Variants in SUPT16H observed in about 807,000 individuals in gnomAD.
The protein encoded by SUPT16H is SPT16 homolog, facilitates chromatin remodeling subunit, also known as FACT complex subunit SPT16.
A neutral mutation model predicts 136.2 loss-of-function variants in SUPT16H; 24 were observed. The observed-to-expected ratio is 0.18, with a 90% CI of 0.13 to 0.25. The LOEUF (loss-of-function observed/expected upper bound fraction) is 0.25, where lower values mean the gene tolerates loss of function less well. SUPT16H is among the 10% of genes least tolerant of loss of function. SUPT16H has a pLI of 1.00. For missense variants in SUPT16H, 623 were observed against 1,270.2 expected (o/e 0.49, Z 7.74); for synonymous variants, 415 against 428.2 (o/e 0.97, Z 0.38).
intron 3 of SUPT16H, among the ~76,000 whole-genome samples, chr14:21,371,512 C>CA (rs1566391506): frequency 1.3e-5 from 2 of 151,654 alleles, no homozygotes; most frequent in African/African-American, 4.8e-5. Context: ...GGCAGTATGA[C>CA]AAAAAAAATT....
chr14:21,374,007 C>A (rs1302698949), intron 1 of SUPT16H, among the ~76,000 whole-genome samples: 1 of 152,238 alleles, frequency 6.6e-6, no homozygotes, highest in Admixed American at 6.5e-5. Context: ...GAATTACAGG[C>A]ATAAGCCACC....
chr14:21,371,016 A>T (rs917006650), intron 3 of SUPT16H, among the ~76,000 whole-genome samples: 7 of 151,876 alleles, frequency 4.6e-5, no homozygotes, highest in African/African-American at 1.7e-4. Flanking sequence ...ACCTCAAGTG[A>T]TCCACTGCAC....
intron 1 of SUPT16H, among the ~76,000 whole-genome samples, chr14:21,377,792 T>A (rs1339395300): frequency 6.6e-6 from 1 of 152,146 alleles, no homozygotes; most frequent in African/African-American, 2.4e-5. Context: ...CCTGGTTAAT[T>A]TCTGTATTTT....
chr14:21,353,548 A>G lies in SUPT16H; in HGVS notation c.2938T>C (p.Leu980=). 2.5e-6 allele frequency: 4 copies of G among 1,614,128 alleles called. No homozygotes were observed. Among genetic ancestry groups the G allele is most frequent in the African/African-American group, 1.3e-5 (1 of 75,056 alleles). ...AEESDYSKES[L]GSEEESGKDW... is the part of the protein sequence containing the mutation. ...TTTCCACTCTCTTCTTCACTACCCAATGACTCCTTAGAATAGTCTGGAAGA... is the reference window on the plus strand; with the variant it reads ...TTTCCACTCTCTTCTTCACTACCCAGTGACTCCTTAGAATAGTCTGGAAGA... Residue 980 remains leucine, a synonymous_variant, in exon 25 of 26, where the codon TTG becomes CTG. Coordinates refer to ENST00000216297, the MANE Select transcript of SUPT16H (RefSeq NM_007192.4).
chr14:21,362,023 T>C (rs1189388409), intron 15 of SUPT16H, among the ~76,000 whole-genome samples, 174 bp downstream of exon 15: 1 of 152,196 alleles, frequency 6.6e-6, no homozygotes, highest in Admixed American at 6.5e-5. Context: ...AGATTCTAAA[T>C]TGGGATCCAT....
At chr14:21,363,677 TTTTC>T (rs1886605764) in intron 10 of SUPT16H, among the ~76,000 whole-genome samples, 174 bp from the exon 11 acceptor site, 1 of 152,166 alleles carries the variant, frequency 6.6e-6, no homozygotes, top group Admixed American at 6.6e-5. Flanking sequence ...CTACAATTTT[TTTTC>T]TTTTTCTTTT....
In SUPT16H at chr14:21,354,407, G is replaced by A. The variant is rs1167978152; in HGVS notation, c.2790+4C>T. The A allele has an allele frequency of 1.2e-6, 2 of 1,613,396 alleles. No individual in the cohort carries two copies. Among genetic ancestry groups the A allele is most frequent in the Non-Finnish European group, 1.7e-6 (2 of 1,179,744 alleles). Reference sequence around the variant, plus strand: ...ACCAGAAAAGAAACCCCACACTCACGCACCTCACCCTCAGGCTCCAGGAAA... The same window carrying A: ...ACCAGAAAAGAAACCCCACACTCACACACCTCACCCTCAGGCTCCAGGAAA... On this transcript the variant is annotated splice_donor_region_variant and intron_variant, in intron 23 of 25. Coordinates refer to ENST00000216297, the MANE Select transcript of SUPT16H (RefSeq NM_007192.4).
At chr14:21,365,658 T>C (rs1371415431) in intron 8 of SUPT16H, among the ~76,000 whole-genome samples, 2 of 152,222 alleles carry the variant, frequency 1.3e-5, no homozygotes, top group Non-Finnish European at 2.9e-5. Context: ...AAAATGTCCT[T>C]TGTTCCATTA....
intron 8 of SUPT16H, among the ~76,000 whole-genome samples, chr14:21,365,365 C>G (rs61141661): frequency 6.6e-6 from 1 of 152,154 alleles, no homozygotes; most frequent in Admixed American, 6.6e-5. Context: ...TTGATTATAT[C>G]GAGCCTTTTT....
chr14:21,362,067 G>A (rs1418579360), intron 15 of SUPT16H, 130 bp downstream of exon 15: 5 of 1,152,596 alleles, frequency 4.3e-6, no homozygotes, highest in African/African-American at 3.1e-5. Context: ...AAGGCGATCC[G>A]AAACAAGTAC....
At position 21,354,716 on chromosome 14, in the gene SUPT16H, C is replaced by A. The variant is rs28502380; in HGVS notation, c.2661-176G>T. 1.8e-5 allele frequency: 11 copies of A among 614,342 alleles called. No individual in the cohort carries two copies. The East Asian group carries it at 4.9e-4, about 27-fold the overall frequency. 38.1% of individuals were successfully genotyped at this position (614,342 alleles called of 1,614,324 possible). A position where few individuals can be genotyped will look rare whatever the true frequency, so the allele number is the denominator to read the frequency against. The stretch of plus-strand genomic sequence containing the variant: ...AAGTGATTCTCCTGCCTCAGCCTCC[C>A]GAGTATCTGGGATTACAGGCGCATG... On this transcript the variant is annotated intron_variant, in intron 22 of 25. Coordinates refer to ENST00000216297, the MANE Select transcript of SUPT16H (RefSeq NM_007192.4).
Position 21,369,290 on chromosome 14 carries a change from A to G in SUPT16H, c.696T>C (p.Ala232=). 1 of 1,614,218 alleles carries G rather than the reference A, an allele frequency of 6.2e-7. No individual in the cohort carries two copies. Among genetic ancestry groups the G allele is most frequent in the Admixed American group, 1.7e-5 (1 of 60,032 alleles). ...EKAIEEKKYL[A]GADPSTVEMC... is the part of the protein sequence containing the mutation. ...TTTCCACAGTAGAAGGGTCTGCCCC[A>G]GCAAGGTATTTTTTCTCTTCAATGG... Residue 232 remains alanine, a synonymous_variant, in exon 6 of 26, where the codon GCT becomes GCC. Coordinates refer to ENST00000216297, the MANE Select transcript of SUPT16H (RefSeq NM_007192.4).
At chr14:21,360,272 C>T in intron 18 of SUPT16H, 143 bp downstream of exon 18, 1 of 574,594 alleles carries the variant, frequency 1.7e-6, no homozygotes, top group Non-Finnish European at 3.1e-6. Context: ...AGGTGATCCA[C>T]CCACCTCGGC....
At chr14:21,371,845 T>C (rs201763317) in intron 3 of SUPT16H, 29 bp downstream of exon 3, 1 of 1,610,920 alleles carries the variant, frequency 6.2e-7, no homozygotes, top group East Asian at 2.2e-5. Flanking sequence ...TTCTTCCACA[T>C]TTATGACACA....
Position 21,364,943 on chromosome 14 carries a change from A to C in SUPT16H, c.1121-4T>G. On this transcript the variant is annotated splice_polypyrimidine_tract_variant and splice_region_variant and intron_variant, in intron 9 of 25. Transcript: ENST00000216297. ...AAATTGATGCTGAAAACCATTCCTAAAACAGCAAAACAAGGATCAGTCTGT... is the reference window on the plus strand; with the variant it reads ...AAATTGATGCTGAAAACCATTCCTACAACAGCAAAACAAGGATCAGTCTGT... 1 of 1,613,796 alleles carries C rather than the reference A, an allele frequency of 6.2e-7. No individual in the cohort carries two copies. The highest frequency in any genetic ancestry group is 8.5e-7 in the Non-Finnish European group (1 of 1,179,716).
In SUPT16H at chr14:21,360,990, T is replaced by C; in HGVS notation, c.1930-18A>G. ...ACAATCCCCTAAGCAAGAAGAAAATTAATGTGAATTGTCACATATCCTTAC... is the reference window on the plus strand; with the variant it reads ...ACAATCCCCTAAGCAAGAAGAAAATCAATGTGAATTGTCACATATCCTTAC... On this transcript the variant is annotated intron_variant, in intron 16 of 25. Transcript: ENST00000216297. 1.9e-6 allele frequency: 3 copies of C among 1,612,036 alleles called. No homozygotes were observed. Among genetic ancestry groups the C allele is most frequent in the Non-Finnish European group, 2.5e-6 (3 of 1,179,022 alleles).
chr14:21,361,465 C>A (rs1886555401), intron 15 of SUPT16H: 1 of 514,722 alleles, frequency 1.9e-6, no homozygotes, highest in Non-Finnish European at 3.5e-6. Context: ...TACAGGTACA[C>A]ACCACCATGC....
intron 10 of SUPT16H, among the ~76,000 whole-genome samples, chr14:21,364,362 G>A (rs1236610157): frequency 1.3e-5 from 2 of 152,074 alleles, no homozygotes; most frequent in Non-Finnish European, 2.9e-5. Context: ...GAACCAGTGG[G>A]GGAAGGGAAG....
chr14:21,375,257 G>C (rs1594309720), intron 1 of SUPT16H, among the ~76,000 whole-genome samples: 1 of 151,820 alleles, frequency 6.6e-6, no homozygotes, highest in African/African-American at 2.4e-5. Flanking sequence ...CAAGTGATCC[G>C]CCCCCACTTG....
Sources: allele counts gnomAD v4.1 joint callset (sites outside exome capture counted in the v4.1 genomes callset), GRCh38; gene constraint gnomAD v4.1.1; transcripts MANE v1.5; gene names NCBI Gene and HGNC (gene_info 2026-07-23, HGNC 2026-07-21).